The following MAGI2 variants were observed in gnomAD, a reference collection of about 807,000 sequenced individuals.
MAGI2 encodes membrane associated guanylate kinase, WW and PDZ domain containing 2, also known as membrane-associated guanylate kinase, WW and PDZ domain-containing protein 2.
In MAGI2, 35 loss-of-function variants were observed where a neutral mutation model predicts 133.3. The observed-to-expected ratio is 0.26, with a 90% CI of 0.20 to 0.35. The LOEUF (loss-of-function observed/expected upper bound fraction) is 0.35. Among genes scored for constraint, MAGI2 ranks in the 10% least tolerant of loss-of-function variants. The probability of loss-of-function intolerance (pLI) is 1.00; values close to 1 mark genes in which losing one functional copy is unlikely to be tolerated. For synonymous variants in MAGI2, 729 were observed against 710.6 expected (o/e 1.03, Z -0.41); for missense variants, 1,636 against 1,863.4 (o/e 0.88, Z 2.25).
chr7:78,292,524 A>G (rs1796823648), intron 9 of MAGI2, among the ~76,000 whole-genome samples: 1 of 152,204 alleles, frequency 6.6e-6, no homozygotes, highest in Non-Finnish European at 1.5e-5. Context: ...TAACTTATAG[A>G]TTCAATGCCA....
At chr7:78,154,634 A>G (rs971482257) in intron 16 of MAGI2, among the ~76,000 whole-genome samples, 3 of 152,160 alleles carry the variant, frequency 2.0e-5, no homozygotes, top group African/African-American at 4.8e-5. Context: ...CCAAGCTGCC[A>G]TGTGTGTCTA....
rs1554375908 is a variant in MAGI2, at chr7:79,136,003, G to GGGAA, written c.302-128798_302-128797insTTCC. 1.5e-4 allele frequency among the ~76,000 whole-genome samples: 6 copies of GGGAA among 40,890 alleles called. 1 individual carries two copies. In the Admixed American group the frequency reaches 1.8e-3, roughly 12 times the overall value. The allele number at this position is 40,890 out of a possible 152,430, so 26.8% of individuals were successfully genotyped here. ...AGAAAGAAAGAAAGAAAGAAAGAAAGAGAAAGAAAGAAAGAAAGAAAGAAG... is the reference window on the plus strand; with the variant it reads ...AGAAAGAAAGAAAGAAAGAAAGAAAGGGAAAGAAAGAAAGAAAGAAAGAAAGAAG... On this transcript the variant is annotated intron_variant, in intron 1 of 21. Coordinates refer to ENST00000354212, the MANE Select transcript of MAGI2 (RefSeq NM_012301.4).
intron 1 of MAGI2, among the ~76,000 whole-genome samples, chr7:79,428,743 T>C (rs1416984992): frequency 6.6e-6 from 1 of 152,178 alleles, no homozygotes; most frequent in African/African-American, 2.4e-5. Context: ...TACATCTATA[T>C]TGCCTTTCCT....
chr7:78,624,816 G>A (rs897832565), intron 3 of MAGI2, among the ~76,000 whole-genome samples: 6 of 152,100 alleles, frequency 3.9e-5, no homozygotes, highest in South Asian at 2.1e-4. Flanking sequence ...TATGTATAGC[G>A]TGTAATACTT....
intron 3 of MAGI2, among the ~76,000 whole-genome samples, chr7:78,625,450 A>G (rs1453518325): frequency 5.3e-5 from 8 of 152,098 alleles, no homozygotes; most frequent in African/African-American, 1.7e-4. Flanking sequence ...GTGATTACAA[A>G]AGAGTCAAAA....
At chr7:78,951,438 A>G (rs531558333) in intron 2 of MAGI2, among the ~76,000 whole-genome samples, 34 of 152,274 alleles carry the variant, frequency 2.2e-4, no homozygotes, top group African/African-American at 8.2e-4. Flanking sequence ...GGAAGCAAAT[A>G]CATCCTTCTT....
intron 1 of MAGI2, among the ~76,000 whole-genome samples, chr7:79,364,466 C>T (rs73157844): frequency 0.15 from 22,088 of 151,890 alleles, 1,704 homozygotes; most frequent in South Asian, 0.25. Flanking sequence ...ACATATATAA[C>T]GACTTTATTT....
chr7:79,270,077 T>C (rs1402551488), intron 1 of MAGI2, among the ~76,000 whole-genome samples: 2 of 152,146 alleles, frequency 1.3e-5, no homozygotes, highest in African/African-American at 4.8e-5. Context: ...CCTGGGCCTA[T>C]GACGCATGAC....
intron 3 of MAGI2, among the ~76,000 whole-genome samples, chr7:78,620,056 A>G (rs1807564904): frequency 6.6e-6 from 1 of 151,984 alleles, no homozygotes; most frequent in Non-Finnish European, 1.5e-5. Flanking sequence ...TATTACTTAC[A>G]CAGTAAAAAT....
At chr7:78,641,507 C>T (rs761067065) in intron 2 of MAGI2, among the ~76,000 whole-genome samples, 1 of 152,148 alleles carries the variant, frequency 6.6e-6, no homozygotes, top group Non-Finnish European at 1.5e-5. Flanking sequence ...CGTAAGAAGT[C>T]GTTTGCCCAC....
At chr7:79,085,588 A>G (rs1206876455) in intron 1 of MAGI2, among the ~76,000 whole-genome samples, 2 of 151,884 alleles carry the variant, frequency 1.3e-5, no homozygotes, top group Non-Finnish European at 2.9e-5. Flanking sequence ...GGATATTCAA[A>G]ATAATATAAT....
rs762170873 is a variant in MAGI2 at position 78,857,044 on chromosome 7, C to T, written c.418+150046G>A. 3.6e-4 allele frequency among the ~76,000 whole-genome samples: 55 copies of T among 152,146 alleles called. 1 individual carries two copies. Among genetic ancestry groups the T allele is most frequent in the Non-Finnish European group, 1.8e-4 (12 of 68,028 alleles). ...GAATGGGAGTTCACTCATGATTTGG[C>T]TCTCTGTTTGTCTGTTATTGGTGTA... On this transcript the variant is annotated intron_variant, in intron 2 of 21. Transcript: ENST00000354212.
Position 78,019,826 on chromosome 7 carries a change from C to T in MAGI2, c.3857G>A (p.Trp1286Ter). 1 of 1,613,524 alleles carries T rather than the reference C, an allele frequency of 6.2e-7. No homozygotes were observed. The highest frequency in any genetic ancestry group is 8.5e-7 in the Non-Finnish European group (1 of 1,179,916). Residue 1286 changes from tryptophan (W) to a stop codon, truncating the protein, a stop_gained, in exon 22 of 22, where the codon TGG (tryptophan) becomes TAG (stop). Transcript: ENST00000354212. LOFTEE classifies it high-confidence loss of function. ...AACGTCGTGTTCCCGTTTGATATCC[C>T]AAGTTGGGCCTGGGCTTATCTGGTG... ...PSHQISPGPT[W>*]DIKREHDVRK...
rs573319861 is a variant in MAGI2 at position 78,787,201 on chromosome 7, C to A, written c.419-159962G>T. Among the ~76,000 whole-genome samples the A allele has an allele frequency of 3.3e-5, 5 of 152,256 alleles. No individual in the cohort carries two copies. The South Asian group carries it at 1.0e-3, about 32-fold the overall frequency. On this transcript the variant is annotated intron_variant, in intron 2 of 21. Transcript: ENST00000354212. ...GACCTCATGATCTGCCCGCCTTGGC[C>A]TCCCAAAGTGCTGGGATTACAGGCG...
intron 1 of MAGI2, among the ~76,000 whole-genome samples, chr7:79,229,916 G>A (rs962333643): frequency 2.7e-5 from 4 of 148,478 alleles, no homozygotes; most frequent in African/African-American, 7.4e-5. Context: ...CTAGCATTAG[G>A]TATATCTCCC....
intron 9 of MAGI2, among the ~76,000 whole-genome samples, chr7:78,320,325 G>A (rs1787871621): frequency 6.6e-6 from 1 of 152,012 alleles, no homozygotes; most frequent in Non-Finnish European, 1.5e-5. Flanking sequence ...ACAAAAAAAG[G>A]AAATTTCAGG....
chr7:79,095,585 A>G (rs1817447323), intron 1 of MAGI2, among the ~76,000 whole-genome samples: 1 of 152,148 alleles, frequency 6.6e-6, no homozygotes, highest in African/African-American at 2.4e-5. Context: ...TAGTTTCAAT[A>G]TTATTGTGTC....
chr7:78,777,509 T>C (rs1826077952), intron 2 of MAGI2, among the ~76,000 whole-genome samples: 1 of 152,134 alleles, frequency 6.6e-6, no homozygotes, highest in African/African-American at 2.4e-5. Context: ...TCATAACTAC[T>C]ACCATCACCA....
At chr7:78,715,444 T>A (rs937580025) in intron 2 of MAGI2, among the ~76,000 whole-genome samples, 1 of 152,192 alleles carries the variant, frequency 6.6e-6, no homozygotes, top group Non-Finnish European at 1.5e-5. Context: ...ATTAAGGACT[T>A]TGTCACCAAA....
Sources: allele counts gnomAD v4.1 joint callset (sites outside exome capture counted in the v4.1 genomes callset), GRCh38; gene constraint gnomAD v4.1.1; transcripts MANE v1.5; gene names NCBI Gene and HGNC (gene_info 2026-07-23, HGNC 2026-07-21).